The following PRKAG2 variants were observed in gnomAD, a reference collection of about 807,000 sequenced individuals.
The protein encoded by PRKAG2 is protein kinase AMP-activated non-catalytic subunit gamma 2, also known as 5'-AMP-activated protein kinase subunit gamma-2.
Under a neutral mutation model 69.6 loss-of-function variants are expected in PRKAG2, and 26 were observed. The ratio of observed to expected loss-of-function variants is 0.37; its 90% CI spans 0.27 to 0.52. The LOEUF (loss-of-function observed/expected upper bound fraction) is 0.52, where lower values mean the gene tolerates loss of function less well. Among genes scored for constraint, PRKAG2 ranks in the 20% least tolerant of loss-of-function variants. PRKAG2 has a pLI of 0.90. For synonymous variants in PRKAG2, 293 were observed against 285.0 expected, an observed-to-expected ratio of 1.03 and a Z score of -0.28; for missense variants, 557 against 740.0, an observed-to-expected ratio of 0.75 and a Z score of 2.87.
intron 1 of PRKAG2, among the ~76,000 whole-genome samples, chr7:151,820,956 C>CG (rs2078756078): frequency 4.0e-4 from 1 of 2,500 alleles, no homozygotes; most frequent in African/African-American, 1.2e-3. Context: ...GGACCCCCCC[C>CG]AGCCAGGTAC....
chr7:151,587,750 C>A (rs1355684249), intron 6 of PRKAG2, among the ~76,000 whole-genome samples: 1 of 152,174 alleles, frequency 6.6e-6, no homozygotes, highest in Non-Finnish European at 1.5e-5. Flanking sequence ...GAAGCTGTCC[C>A]ACCTAAGGAG....
intron 6 of PRKAG2, among the ~76,000 whole-genome samples, chr7:151,582,290 C>T (rs989958474): frequency 5.3e-5 from 8 of 152,134 alleles, no homozygotes; most frequent in African/African-American, 1.9e-4. Context: ...GCTGGGACCA[C>T]AGGTGCACAC....
intron 3 of PRKAG2, among the ~76,000 whole-genome samples, chr7:151,680,567 G>A (rs914306753): frequency 6.6e-6 from 1 of 152,196 alleles, no homozygotes; most frequent in African/African-American, 2.4e-5. Flanking sequence ...CTGTCTCCAG[G>A]GAAGGGAACA....
chr7:151,796,857 G>A (rs929778070), intron 1 of PRKAG2, among the ~76,000 whole-genome samples: 1 of 152,150 alleles, frequency 6.6e-6, no homozygotes, highest in African/African-American at 2.4e-5. Context: ...TGTACGGAGG[G>A]AACAGCCCTT....
At chr7:151,744,781 G>A (rs535200068) in intron 3 of PRKAG2, among the ~76,000 whole-genome samples, 6 of 152,178 alleles carry the variant, frequency 3.9e-5, no homozygotes, top group African/African-American at 1.4e-4. Flanking sequence ...CACCGCGCAG[G>A]CAGAATCAGC....
At chr7:151,576,052 G>A (rs1808859311) in intron 7 of PRKAG2, 2 of 397,270 alleles carry the variant, frequency 5.0e-6, no homozygotes, top group Non-Finnish European at 9.4e-6. Context: ...AGCGATCATG[G>A]CCTTGACCTC....
intron 1 of PRKAG2, among the ~76,000 whole-genome samples, chr7:151,865,849 C>T (rs975060035): frequency 3.3e-5 from 5 of 151,948 alleles, no homozygotes; most frequent in Non-Finnish European, 7.4e-5. Flanking sequence ...GAAACCCCGT[C>T]TCTATTAAAA....
At chr7:151,565,932 T>C (rs374992235) in intron 11 of PRKAG2, 47 bp from the exon 12 acceptor site, 85 of 1,569,184 alleles carry the variant, frequency 5.4e-5, no homozygotes, top group Non-Finnish European at 6.1e-5. Context: ...AACACACTCT[T>C]GTCATGTTCA....
At chr7:151,870,862 T>C (rs1464759216) in intron 1 of PRKAG2, among the ~76,000 whole-genome samples, 1 of 152,164 alleles carries the variant, frequency 6.6e-6, no homozygotes, top group Non-Finnish European at 1.5e-5. Context: ...TCTGCAAACG[T>C]TGTGACTGCC....
chr7:151,856,489 G>C (rs1440286427), intron 1 of PRKAG2, among the ~76,000 whole-genome samples: 2 of 152,256 alleles, frequency 1.3e-5, no homozygotes, highest in African/African-American at 4.8e-5. Flanking sequence ...GCAGGGAAGG[G>C]CGTGGATTTT....
In PRKAG2 at chr7:151,632,249, G is replaced by A; in HGVS notation, c.685-111C>T. ...GCCTGGCTCTGCCGCGCCGCCGGGAGGAGGGGCCTGGCAGGGGACGCGGGC... is the reference window on the plus strand; with the variant it reads ...GCCTGGCTCTGCCGCGCCGCCGGGAAGAGGGGCCTGGCAGGGGACGCGGGC... On this transcript the variant is annotated intron_variant, in intron 4 of 15. Coordinates refer to ENST00000287878, the MANE Select transcript of PRKAG2 (RefSeq NM_016203.4). This position sits in a 1 kb window ranked among gnomAD's most constrained non-coding sequence, Gnocchi z 4.2. 9.4e-7 allele frequency: 1 copy of A among 1,066,096 alleles called. No individual in the cohort carries two copies. Among genetic ancestry groups the A allele is most frequent in the Non-Finnish European group, 1.1e-6 (1 of 882,442 alleles). 66.0% of individuals were successfully genotyped at this position (1,066,096 alleles called of 1,614,324 possible).
rs992298937 is a variant in PRKAG2, at chr7:151,791,549, C to G, written c.115-5008G>C. Among the ~76,000 whole-genome samples the G allele has an allele frequency of 1.3e-4, 20 of 152,234 alleles. 1 individual carries two copies. ...TGAAGCCCTGATTTCCGCCAAGAGA[C>G]AGCTTTAGCACTCTGATTTTCATCC... On this transcript the variant is annotated intron_variant, in intron 1 of 15. Transcript: ENST00000287878.
chr7:151,558,785 C>T (rs1804314773), intron 15 of PRKAG2: 1 of 985,406 alleles, frequency 1.0e-6, no homozygotes, highest in Non-Finnish European at 1.2e-6. Context: ...CCTCTCTGCA[C>T]CAGCAGTGAT....
chr7:151,577,413 A>C (rs1249933575), intron 6 of PRKAG2, among the ~76,000 whole-genome samples: 1 of 152,214 alleles, frequency 6.6e-6, no homozygotes, highest in Non-Finnish European at 1.5e-5. Flanking sequence ...AAATAAGTAC[A>C]GGGAAAATGT....
chr7:151,565,578 C>T, intron 12 of PRKAG2, 142 bp downstream of exon 12: 2 of 1,189,320 alleles, frequency 1.7e-6, no homozygotes, highest in Middle Eastern at 2.8e-4. Flanking sequence ...TTTTTACGAT[C>T]CTGCGTGCCC....
chr7:151,636,704 A>C (rs1390388704), intron 4 of PRKAG2, among the ~76,000 whole-genome samples: 1 of 146,784 alleles, frequency 6.8e-6, no homozygotes, highest in East Asian at 1.9e-4. Flanking sequence ...TAATATATAT[A>C]TATTTTAAAT....
chr7:151,599,148 C>T (rs1773807657), intron 5 of PRKAG2, among the ~76,000 whole-genome samples: 1 of 152,058 alleles, frequency 6.6e-6, no homozygotes, highest in African/African-American at 2.4e-5. Flanking sequence ...CCACTGTGCC[C>T]AGCCCTAACT....
At chr7:151,779,807 T>C (rs1586478117) in intron 3 of PRKAG2, among the ~76,000 whole-genome samples, 1 of 152,212 alleles carries the variant, frequency 6.6e-6, no homozygotes, top group Non-Finnish European at 1.5e-5. Flanking sequence ...AAATCCCACC[T>C]GTGTGACGTG....
At chr7:151,653,652 G>T (rs1828910899) in intron 4 of PRKAG2, among the ~76,000 whole-genome samples, 1 of 152,138 alleles carries the variant, frequency 6.6e-6, no homozygotes, top group Non-Finnish European at 1.5e-5. Flanking sequence ...GATCAGCCTG[G>T]CCAGCATGGT....
Sources: gnomAD v4.1 joint callset for allele counts (sites outside exome capture counted in the v4.1 genomes callset) on GRCh38, gnomAD v4.1.1 for gene constraint, Gnocchi (gnomAD v3.1) non-coding constraint, MANE v1.5 for transcripts, NCBI Gene and HGNC (gene_info 2026-07-23, HGNC 2026-07-21) for gene names.